SHANK2: variants seen among roughly 807,000 people sequenced by gnomAD.
SHANK2 encodes SH3 and multiple ankyrin repeat domains 2.
SHANK2 carries 43 observed loss-of-function variants against 133.7 expected under a neutral mutation model. That is an observed-to-expected ratio of 0.32 (90% confidence interval 0.25 to 0.41). SHANK2 has a LOEUF of 0.41. Ranked by LOEUF, SHANK2 falls within the 10% of genes least tolerant of loss-of-function variation. The pLI, the probability that SHANK2 is intolerant of heterozygous loss-of-function variation, is 1.00. For missense variants in SHANK2, 1,994 were observed against 2,235.8 expected (o/e 0.89, Z 2.18); for synonymous variants, 1,017 against 952.8 (o/e 1.07, Z -1.24).
chr11:71,156,719 T>G (rs1292621638), intron 2 of SHANK2, among the ~76,000 whole-genome samples: 2 of 152,220 alleles, frequency 1.3e-5, no homozygotes, highest in African/African-American at 4.8e-5. Context: ...ACAGGTCATT[T>G]TGCTGCTGAA....
chr11:70,478,149 C>CT (rs144322624), intron 25 of SHANK2, among the ~76,000 whole-genome samples: 1 of 150,714 alleles, frequency 6.6e-6, no homozygotes, highest in African/African-American at 2.4e-5. Flanking sequence ...AAGCAAGTGG[C>CT]TTTTTTACTG....
chr11:70,936,690 C>T (rs1485495881), intron 10 of SHANK2, among the ~76,000 whole-genome samples: 1 of 152,282 alleles, frequency 6.6e-6, no homozygotes, highest in South Asian at 2.1e-4. Flanking sequence ...TGAAACAGTT[C>T]TCCACTAACG....
intron 1 of SHANK2, among the ~76,000 whole-genome samples, chr11:71,230,160 C>T (rs1373661040): frequency 2.0e-5 from 3 of 151,994 alleles, no homozygotes; most frequent in Non-Finnish European, 4.4e-5. Context: ...TGTGGTGACG[C>T]ACACCTGTAA....
chr11:70,592,882 G>A (rs544301642), intron 17 of SHANK2, among the ~76,000 whole-genome samples: 3 of 152,212 alleles, frequency 2.0e-5, no homozygotes, highest in Non-Finnish European at 4.4e-5. Context: ...CCTCGCCTGG[G>A]GTAGCACTCA....
chr11:71,168,323 C>T (rs1175920697), intron 2 of SHANK2, among the ~76,000 whole-genome samples: 8 of 93,976 alleles, frequency 8.5e-5, no homozygotes, highest in East Asian at 2.4e-4. Flanking sequence ...CGGGCAGAGA[C>T]GCTCCTCACT....
chr11:71,076,690 C>T (rs1326380708), intron 8 of SHANK2, among the ~76,000 whole-genome samples: 7 of 152,192 alleles, frequency 4.6e-5, no homozygotes, highest in African/African-American at 1.2e-4. Flanking sequence ...ACTCCACCTG[C>T]GTTTGCCTTT....
chr11:71,171,326 C>T (rs1349922678), intron 2 of SHANK2, among the ~76,000 whole-genome samples: 1 of 152,132 alleles, frequency 6.6e-6, no homozygotes, highest in Non-Finnish European at 1.5e-5. Flanking sequence ...AGGTCCTAAG[C>T]CTCAGAACCA....
chr11:70,489,970 A>ACTC, intron 23 of SHANK2: 1 of 194,848 alleles, frequency 5.1e-6, no homozygotes, highest in Non-Finnish European at 1.1e-5. Context: ...GGCTCGCACC[A>ACTC]CCCCGCCCAC....
At chr11:71,113,270 A>C (rs1469225717) in intron 5 of SHANK2, 23 bp downstream of exon 5, 1 of 1,550,106 alleles carries the variant, frequency 6.5e-7, no homozygotes, top group Middle Eastern at 1.7e-4. Flanking sequence ...TAACGTGTAA[A>C]TAACAGCCCG....
chr11:70,529,590 T>C (rs889868416), intron 17 of SHANK2, among the ~76,000 whole-genome samples: 5 of 152,238 alleles, frequency 3.3e-5, no homozygotes, highest in African/African-American at 1.2e-4. Flanking sequence ...ACACTGACCA[T>C]TGATAACATT....
chr11:70,522,050 T>C lies in SHANK2; in HGVS notation c.2062-19119A>G, dbSNP rs1554971128. On this transcript the variant is annotated intron_variant, in intron 17 of 25. Coordinates refer to ENST00000601538, the MANE Select transcript of SHANK2 (RefSeq NM_012309.5). The stretch of plus-strand genomic sequence containing the variant: ...GGCTCTAACGGTTTCTTATCCAAAC[T>C]ACCCATCAGCCCTTAGCCCAGGCTA... 2.6e-5 allele frequency among the ~76,000 whole-genome samples: 4 copies of C among 152,220 alleles called. No homozygotes were observed. The South Asian group carries it at 8.3e-4, about 31-fold the overall frequency.
intron 5 of SHANK2, 111 bp from the exon 6 acceptor site, chr11:71,110,160 T>G (rs1555098871): frequency 6.2e-6 from 5 of 801,034 alleles, no homozygotes. Flanking sequence ...CAGACATGGC[T>G]GCACACGGTG....
chr11:70,936,666 C>G (rs572448727), intron 10 of SHANK2, among the ~76,000 whole-genome samples: 4 of 152,316 alleles, frequency 2.6e-5, no homozygotes, highest in Non-Finnish European at 4.4e-5. Context: ...ATGTTAGCAA[C>G]CAAAAGCCAG....
chr11:70,588,057 C>T (rs1202290208), intron 17 of SHANK2, among the ~76,000 whole-genome samples: 2 of 152,056 alleles, frequency 1.3e-5, no homozygotes, highest in South Asian at 2.1e-4. Flanking sequence ...ATGAACTGTA[C>T]CCATATAAGA....
intron 14 of SHANK2, among the ~76,000 whole-genome samples, chr11:70,770,865 T>TGGTAGTCA (rs1947233315): frequency 6.7e-6 from 1 of 150,212 alleles, no homozygotes; most frequent in Non-Finnish European, 1.5e-5. Flanking sequence ...TGCAGGACCC[T>TGGTAGTCA]GGTAGTCAAT....
At chr11:71,131,229 C>T (rs1320961801) in intron 3 of SHANK2, among the ~76,000 whole-genome samples, 2 of 152,162 alleles carry the variant, frequency 1.3e-5, no homozygotes, top group African/African-American at 2.4e-5. Context: ...GGACAGAGGC[C>T]CATTGGGCTG....
At chr11:71,132,312 G>A (rs113080902) in intron 3 of SHANK2, among the ~76,000 whole-genome samples, 14 of 152,252 alleles carry the variant, frequency 9.2e-5, no homozygotes, top group African/African-American at 1.4e-4. Flanking sequence ...GATGATCTGC[G>A]GCCCTGGTAT....
rs1381607359 is a variant in SHANK2 at position 70,470,786 on chromosome 11, A to G, written c.*2083T>C. The G allele has an allele frequency of 6.6e-6, 1 of 152,558 alleles. No homozygotes were observed. The highest frequency in any genetic ancestry group is 2.4e-5 in the African/African-American group (1 of 41,494). 9.5% of individuals were successfully genotyped at this position (152,558 alleles called of 1,614,324 possible). On this transcript the variant is annotated 3_prime_UTR_variant, in exon 26 of 26. Coordinates refer to ENST00000601538, the MANE Select transcript of SHANK2 (RefSeq NM_012309.5). ...ATTTCAAATACAAAGATTGACCTGC[A>G]AAAGGTTTTGGAACAGAAGGTCCAA...
At chr11:70,923,939 A>G (rs957971373) in intron 10 of SHANK2, among the ~76,000 whole-genome samples, 12 of 152,154 alleles carry the variant, frequency 7.9e-5, no homozygotes, top group African/African-American at 2.9e-4. Flanking sequence ...AAGAATGCAG[A>G]CCGGTGAACC....
Sources: gnomAD v4.1 joint callset for allele counts (sites outside exome capture counted in the v4.1 genomes callset) on GRCh38, gnomAD v4.1.1 for gene constraint, MANE v1.5 for transcripts, NCBI Gene and HGNC (gene_info 2026-07-23, HGNC 2026-07-21) for gene names.